Variants in SLC22A4 observed in about 807,000 individuals in gnomAD.
SLC22A4 encodes ET transporter.
A neutral mutation model predicts 56.6 loss-of-function variants in SLC22A4; 39 were observed. That is an observed-to-expected ratio of 0.69 (90% CI 0.53 to 0.90). The LOEUF (loss-of-function observed/expected upper bound fraction) is 0.90. SLC22A4 is among the 40% of genes least tolerant of loss of function. SLC22A4 has a pLI of 0.00. For synonymous variants in SLC22A4, 241 were observed against 281.4 expected, an observed-to-expected ratio of 0.86 and a Z score of 1.44; for missense variants, 594 against 696.5, an observed-to-expected ratio of 0.85 and a Z score of 1.66.
In SLC22A4 at chr5:132,334,661, A is replaced by G. The variant is rs1373955504; in HGVS notation, c.1047-57A>G. On this transcript the variant is annotated intron_variant, in intron 6 of 9. Coordinates refer to ENST00000200652, the MANE Select transcript of SLC22A4 (RefSeq NM_003059.3). ...AGATATAGAGAATTTCTTGACCATC[A>G]TAAAATTTTAGAGCGATTCACACCA... The G allele has an allele frequency of 4.1e-6, 5 of 1,229,918 alleles. No homozygotes were observed. The African/African-American group carries it at 7.4e-5, about 18-fold the overall frequency. 76.2% of individuals were successfully genotyped at this position (1,229,918 alleles called of 1,614,324 possible).
At chr5:132,321,865 G>A (rs576763498) in intron 3 of SLC22A4, among the ~76,000 whole-genome samples, 136 of 152,038 alleles carry the variant, frequency 8.9e-4, no homozygotes, top group African/African-American at 3.0e-3. Flanking sequence ...CTGAGATCAC[G>A]CCACTGCACT....
chr5:132,341,145 C>A (rs373638073), intron 9 of SLC22A4, among the ~76,000 whole-genome samples: 1 of 151,372 alleles, frequency 6.6e-6, no homozygotes, highest in Non-Finnish European at 1.5e-5. Context: ...ATAGGCCAGG[C>A]GCGGTGGCAC....
At chr5:132,323,470 T>C (rs1232171519) in intron 4 of SLC22A4, among the ~76,000 whole-genome samples, 2 of 152,222 alleles carry the variant, frequency 1.3e-5, no homozygotes, top group Admixed American at 1.3e-4. Flanking sequence ...AGTGCTGTGA[T>C]TTACTAGTGT....
chr5:132,331,964 G>T, intron 6 of SLC22A4, 114 bp downstream of exon 6: 1 of 752,100 alleles, frequency 1.3e-6, no homozygotes. Flanking sequence ...GAAAAATTAA[G>T]ATTATAAAAT....
intron 6 of SLC22A4, among the ~76,000 whole-genome samples, chr5:132,333,165 A>G (rs1412437317): frequency 6.6e-6 from 1 of 152,192 alleles, no homozygotes; most frequent in Non-Finnish European, 1.5e-5. Context: ...TCTGCTTCTC[A>G]GTCATGTTAA....
chr5:132,335,452 C>CTA, intron 7 of SLC22A4, among the ~76,000 whole-genome samples: 2 of 152,268 alleles, frequency 1.3e-5, no homozygotes, highest in South Asian at 4.1e-4. Context: ...ATACATATTT[C>CTA]TTAATAATAA....
chr5:132,327,377 C>G lies in SLC22A4; in HGVS notation c.925C>G (p.Pro309Ala). ...TGCAAAAATGAACAACATAGCTGTA[C>G]CAGCAGTGATATTTGATTCTGTGGA... ...KAAKMNNIAV[P>A]AVIFDSVEEL... Residue 309 changes from proline (P) to alanine (A), a missense_variant, in exon 5 of 10, where the codon CCA (proline) becomes GCA (alanine). Transcript: ENST00000200652. The G allele has an allele frequency of 6.2e-7, 1 of 1,610,748 alleles. No homozygotes were observed. Among genetic ancestry groups the G allele is most frequent in the Non-Finnish European group, 8.5e-7 (1 of 1,176,976 alleles).
intron 4 of SLC22A4, among the ~76,000 whole-genome samples, chr5:132,324,241 A>AAGAG (rs61709003): frequency 1.3e-4 from 20 of 150,300 alleles, no homozygotes; most frequent in Middle Eastern, 3.5e-3. Context: ...ATCAGAGAGA[A>AAGAG]AGAGAGAGAG....
At chr5:132,317,280 C>T (rs887393330) in intron 3 of SLC22A4, among the ~76,000 whole-genome samples, 1 of 152,206 alleles carries the variant, frequency 6.6e-6, no homozygotes, top group African/African-American at 2.4e-5. Context: ...CAAAGTTGTA[C>T]AGCCATCAAC....
At chr5:132,317,330 C>T (rs1210158454) in intron 3 of SLC22A4, among the ~76,000 whole-genome samples, 1 of 152,178 alleles carries the variant, frequency 6.6e-6, no homozygotes, top group Non-Finnish European at 1.5e-5. Flanking sequence ...AAACCCTATA[C>T]GAATTAGCAG....
intron 1 of SLC22A4, among the ~76,000 whole-genome samples, chr5:132,309,729 C>T (rs1427776795): frequency 6.6e-6 from 1 of 152,228 alleles, no homozygotes; most frequent in Non-Finnish European, 1.5e-5. Flanking sequence ...TAATTTTTGA[C>T]CAAGGAGTTC....
At chr5:132,306,834 G>A (rs1044704765) in intron 1 of SLC22A4, among the ~76,000 whole-genome samples, 1 of 145,296 alleles carries the variant, frequency 6.9e-6, no homozygotes, top group Non-Finnish European at 1.5e-5. Flanking sequence ...AAGGAGCTAA[G>A]TATAAGAAGC....
chr5:132,330,454 A>C (rs1750822357), intron 5 of SLC22A4, among the ~76,000 whole-genome samples: 1 of 152,242 alleles, frequency 6.6e-6, no homozygotes, highest in African/African-American at 2.4e-5. Flanking sequence ...GGCCGGGCGC[A>C]GTGGCTCACA....
At chr5:132,304,445 C>T (rs1348066046) in intron 1 of SLC22A4, among the ~76,000 whole-genome samples, 1 of 152,130 alleles carries the variant, frequency 6.6e-6, no homozygotes, top group Non-Finnish European at 1.5e-5. Flanking sequence ...GGGGAAACCC[C>T]ATCTCTACTA....
rs1429816974 is a variant in SLC22A4 at position 132,294,808 on chromosome 5, C to A, written c.192C>A (p.Asn64Lys). ...CGAACCTGAGCAGCGCCTGGCGCAA[C>A]AACAGTGTCCCGCTGCGGCTGCGGG... ...DAANLSSAWR[N>K]NSVPLRLRDG... The change falls in exon 1 of 10, where the codon AAC becomes AAA. Residue 64 changes from asparagine to lysine, a missense_variant. By Grantham distance (94) the Asn-to-Lys change is moderately conservative. Transcript: ENST00000200652. The surrounding 1 kb of genome is among the most constrained non-coding windows in gnomAD (Gnocchi z 5.6). 1 of 1,612,732 alleles carries A rather than the reference C, an allele frequency of 6.2e-7. No individual in the cohort carries two copies. Among genetic ancestry groups the A allele is most frequent in the Non-Finnish European group, 8.5e-7 (1 of 1,179,852 alleles).
chr5:132,310,322 ATCTC>A (rs1339055575), intron 1 of SLC22A4, among the ~76,000 whole-genome samples: 1 of 152,208 alleles, frequency 6.6e-6, no homozygotes, highest in Non-Finnish European at 1.5e-5. Flanking sequence ...TCAATTGCTC[ATCTC>A]TCTAAGTCAG....
intron 3 of SLC22A4, among the ~76,000 whole-genome samples, chr5:132,319,794 A>C (rs1292304039): frequency 4.6e-5 from 7 of 152,088 alleles, no homozygotes; most frequent in African/African-American, 1.7e-4. Flanking sequence ...GTTTCATCAT[A>C]TTGGTCAGGC....
chr5:132,310,979 T>C (rs574151810), intron 1 of SLC22A4, among the ~76,000 whole-genome samples: 1 of 152,292 alleles, frequency 6.6e-6, no homozygotes, highest in East Asian at 1.9e-4. Context: ...CCCTCCTCTT[T>C]ATTTTCCATT....
At chr5:132,303,342 G>C (rs1488241891) in intron 1 of SLC22A4, among the ~76,000 whole-genome samples, 1 of 152,002 alleles carries the variant, frequency 6.6e-6, no homozygotes, top group African/African-American at 2.4e-5. Flanking sequence ...TTGTCCTAAG[G>C]GCATATATTT....
Sources: gnomAD v4.1 joint callset for allele counts (sites outside exome capture counted in the v4.1 genomes callset) on GRCh38, gnomAD v4.1.1 for gene constraint, Gnocchi (gnomAD v3.1) non-coding constraint, MANE v1.5 for transcripts, NCBI Gene and HGNC (gene_info 2026-07-23, HGNC 2026-07-21) for gene names.